Variants in VGLL3 observed in about 807,000 individuals in gnomAD.
The protein encoded by VGLL3 is transcription cofactor vestigial-like protein 3.
A neutral mutation model predicts 29.2 loss-of-function variants in VGLL3; 18 were observed. The ratio of observed to expected loss-of-function variants is 0.62; its 90% CI spans 0.43 to 0.91. The LOEUF is 0.91. VGLL3 is among the 40% of genes least tolerant of loss of function. VGLL3 has a pLI of 0.00. For synonymous variants in VGLL3, 180 were observed against 151.8 expected, an observed-to-expected ratio of 1.19 and a Z score of -1.36; for missense variants, 440 against 413.2, an observed-to-expected ratio of 1.06 and a Z score of -0.56.
intron 3 of VGLL3, among the ~76,000 whole-genome samples, chr3:86,954,320 A>G (rs1448827307): frequency 6.6e-6 from 1 of 152,210 alleles, no homozygotes; most frequent in African/African-American, 2.4e-5. Context: ...AGAAAAGTTC[A>G]GCCACCCAGG....
intron 3 of VGLL3, among the ~76,000 whole-genome samples, chr3:86,960,430 TAATA>T (rs1225463498): frequency 6.6e-6 from 1 of 152,146 alleles, no homozygotes; most frequent in Non-Finnish European, 1.5e-5. Context: ...TCTTCCTATC[TAATA>T]TCAAAATGGA....
At chr3:86,984,803 GAGTAT>G (rs1202142438) in intron 1 of VGLL3, among the ~76,000 whole-genome samples, 1 of 152,116 alleles carries the variant, frequency 6.6e-6, no homozygotes, top group African/African-American at 2.4e-5. Context: ...TTAATTGGAA[GAGTAT>G]AGTAAGGGCA....
intron 2 of VGLL3, among the ~76,000 whole-genome samples, chr3:86,977,234 G>A (rs920058007): frequency 1.3e-5 from 2 of 151,974 alleles, no homozygotes; most frequent in Non-Finnish European, 2.9e-5. Flanking sequence ...AGGAGAAGAG[G>A]CAAACAGGGA....
At chr3:86,947,202 A>G in intron 3 of VGLL3, 135 bp from the exon 4 acceptor site, 1 of 632,112 alleles carries the variant, frequency 1.6e-6, no homozygotes, top group Admixed American at 2.6e-5. Context: ...ACCTGAAGAC[A>G]TCATGATCTC....
At chr3:86,960,932 GATATATATATATATATATAT>G (rs57744873) in intron 3 of VGLL3, among the ~76,000 whole-genome samples, 1 of 137,938 alleles carries the variant, frequency 7.2e-6, no homozygotes, top group Non-Finnish European at 1.5e-5. Flanking sequence ...AAGTAATTGT[GATATATATATATATATATAT>G]ATATATATAT....
intron 3 of VGLL3, chr3:86,962,497 A>C: frequency 1.0e-6 from 1 of 985,430 alleles, no homozygotes. Context: ...CCAAACCTCA[A>C]ACTCTACTAT....
At chr3:86,990,279 G>C (rs765092126) in intron 1 of VGLL3, 22 of 981,304 alleles carry the variant, frequency 2.2e-5, no homozygotes, top group Non-Finnish European at 2.7e-5. Context: ...AAAATAGTTG[G>C]TTGAAAGGAA....
intron 2 of VGLL3, among the ~76,000 whole-genome samples, chr3:86,977,525 G>T (rs113551339): frequency 6.6e-6 from 1 of 152,138 alleles, no homozygotes; most frequent in Admixed American, 6.5e-5. Flanking sequence ...CAATAGATTC[G>T]AGATAAGGGG....
chr3:86,947,898 G>A (rs189338682), intron 3 of VGLL3, among the ~76,000 whole-genome samples: 1 of 151,560 alleles, frequency 6.6e-6, no homozygotes, highest in Non-Finnish European at 1.5e-5. Context: ...TTCTGATATG[G>A]GCAATTCACA....
At chr3:86,969,579 A>C (rs2107021240) in intron 2 of VGLL3, among the ~76,000 whole-genome samples, 1 of 152,316 alleles carries the variant, frequency 6.6e-6, no homozygotes, top group Admixed American at 6.5e-5. Context: ...TTTAAATGAA[A>C]CATTTTAATG....
chr3:86,955,422 A>G (rs1256320320), intron 3 of VGLL3, among the ~76,000 whole-genome samples: 3 of 127,756 alleles, frequency 2.3e-5, no homozygotes, highest in Non-Finnish European at 3.1e-5. Flanking sequence ...TCACTCTGTC[A>G]CCCAGGCTGG....
chr3:86,978,199 C>T lies in VGLL3; in HGVS notation c.403+327G>A, dbSNP rs941735584. ...AATTTTTTAAAAGCTGATTTAGACA[C>T]GCCTATTATTTAGAGATCCAAATTG... On this transcript the variant is annotated intron_variant, in intron 2 of 3. Coordinates refer to ENST00000398399, the MANE Select transcript of VGLL3 (RefSeq NM_016206.4). Among the ~76,000 whole-genome samples, 2 of 152,264 alleles carry T rather than the reference C, an allele frequency of 1.3e-5. 1 individual carries two copies. The highest frequency in any genetic ancestry group is 4.1e-4 in the South Asian group (2 of 4,820).
intron 3 of VGLL3, among the ~76,000 whole-genome samples, chr3:86,949,776 G>C (rs562314302): frequency 1.4e-5 from 2 of 146,056 alleles, no homozygotes; most frequent in Admixed American, 6.9e-5. Flanking sequence ...ACAGTGAGCC[G>C]AGATCATGCC....
rs1704484995 is a variant in VGLL3 at position 86,945,325 on chromosome 3, T to C, written c.*1699A>G. On this transcript the variant is annotated 3_prime_UTR_variant, in exon 4 of 4. Transcript: ENST00000398399. The stretch of plus-strand genomic sequence containing the variant: ...TATGAGAACTCTGCCTAGCTGAACA[T>C]GTCATGTTCATGTCTAAAAAGTTCG... 1 of 152,184 alleles carries C rather than the reference T, an allele frequency of 6.6e-6. No individual in the cohort carries two copies. Among genetic ancestry groups the C allele is most frequent in the Non-Finnish European group, 1.5e-5 (1 of 68,012 alleles). 9.4% of individuals were successfully genotyped at this position (152,184 alleles called of 1,614,324 possible). A position where few individuals can be genotyped will look rare whatever the true frequency, so the allele number is the denominator to read the frequency against.
At chr3:86,967,295 T>C (rs866597176) in intron 3 of VGLL3, among the ~76,000 whole-genome samples, 3 of 152,158 alleles carry the variant, frequency 2.0e-5, no homozygotes, top group Non-Finnish European at 4.4e-5. Flanking sequence ...ACTCCCAAGT[T>C]GTCTTTATTT....
chr3:86,981,157 A>T (rs1705317467), intron 1 of VGLL3, among the ~76,000 whole-genome samples: 1 of 152,162 alleles, frequency 6.6e-6, no homozygotes, highest in South Asian at 2.1e-4. Context: ...ATGAATCCTG[A>T]TACAAACGTC....
At chr3:86,947,231 G>C (rs535818109) in intron 3 of VGLL3, among the ~76,000 whole-genome samples, 164 bp from the exon 4 acceptor site, 5 of 152,116 alleles carry the variant, frequency 3.3e-5, no homozygotes, top group Non-Finnish European at 7.4e-5. Context: ...TTCTGTGCTG[G>C]AGCTCACAAT....
At chr3:86,980,641 G>A (rs537007570) in intron 1 of VGLL3, among the ~76,000 whole-genome samples, 1 of 152,076 alleles carries the variant, frequency 6.6e-6, no homozygotes, top group Non-Finnish European at 1.5e-5. Flanking sequence ...TAAAATGAGG[G>A]AATCGAACTA....
intron 3 of VGLL3, among the ~76,000 whole-genome samples, chr3:86,950,765 AT>A (rs1015838895): frequency 2.0e-5 from 3 of 152,206 alleles, no homozygotes; most frequent in Non-Finnish European, 4.4e-5. Flanking sequence ...GATGTGTCAT[AT>A]TTAACTGATG....
Sources: gnomAD v4.1 joint callset for allele counts (sites outside exome capture counted in the v4.1 genomes callset) on GRCh38, gnomAD v4.1.1 for gene constraint, MANE v1.5 for transcripts, NCBI Gene and HGNC (gene_info 2026-07-23, HGNC 2026-07-21) for gene names.